The following ENAH variants were observed in gnomAD, a reference collection of about 807,000 sequenced individuals.
The protein encoded by ENAH is protein enabled homolog.
ENAH carries 23 observed loss-of-function variants against 78.7 expected under a neutral mutation model. The ratio of observed to expected loss-of-function variants is 0.29; its 90% CI spans 0.21 to 0.41. ENAH has a LOEUF of 0.41. ENAH is among the 10% of genes least tolerant of loss of function. ENAH has a pLI of 1.00. For missense variants in ENAH, 544 were observed against 691.0 expected (o/e 0.79, Z 2.39); for synonymous variants, 226 against 241.0 (o/e 0.94, Z 0.58).
rs374646635 is a variant in ENAH at position 225,639,705 on chromosome 1, AACACACAC to A, written c.5+12973_5+12980del. On this transcript the variant is annotated intron_variant, in intron 1 of 13. Transcript: ENST00000366843. ...CACAAAATGGACTATGGCGGGATTA[AACACACAC>A]ACACACACACACACACACACACACA... 5.5e-3 allele frequency among the ~76,000 whole-genome samples: 756 copies of A among 138,624 alleles called. 8 individuals are homozygous for A. Among genetic ancestry groups the A allele is most frequent in the South Asian group, 0.029 (125 of 4,280 alleles). 90.9% of individuals were successfully genotyped at this position (138,624 alleles called of 152,430 possible). A position where few individuals can be genotyped will look rare whatever the true frequency, so the allele number is the denominator to read the frequency against.
At chr1:225,644,275 G>C (rs1661568360) in intron 1 of ENAH, among the ~76,000 whole-genome samples, 1 of 151,942 alleles carries the variant, frequency 6.6e-6, no homozygotes, top group South Asian at 2.1e-4. Flanking sequence ...ATACTGACCA[G>C]ACATATGGAC....
intron 11 of ENAH, 96 bp from the exon 12 acceptor site, chr1:225,501,166 A>C (rs1157174724): frequency 8.2e-6 from 7 of 857,396 alleles, no homozygotes; most frequent in African/African-American, 1.7e-5. Context: ...CACCAGATTT[A>C]AATACATTTC....
At chr1:225,591,521 C>T (rs529096109) in intron 1 of ENAH, among the ~76,000 whole-genome samples, 27 of 147,610 alleles carry the variant, frequency 1.8e-4, no homozygotes, top group Admixed American at 1.2e-3. Flanking sequence ...AATCCCAGAA[C>T]TTTGGGAGTC....
intron 4 of ENAH, among the ~76,000 whole-genome samples, chr1:225,521,939 GTGCCCGCCACCA>G (rs1372639398): frequency 6.6e-6 from 1 of 151,960 alleles, no homozygotes; most frequent in Admixed American, 6.6e-5. Flanking sequence ...GGGACTACAG[GTGCCCGCCACCA>G]TGCCCGGCTA....
At chr1:225,613,201 C>T (rs1462398268) in intron 1 of ENAH, among the ~76,000 whole-genome samples, 1 of 152,196 alleles carries the variant, frequency 6.6e-6, no homozygotes, top group East Asian at 1.9e-4. Context: ...CCTCATCTTT[C>T]AGAGCAACTC....
intron 1 of ENAH, among the ~76,000 whole-genome samples, chr1:225,586,058 T>A (rs565361154): frequency 6.6e-6 from 1 of 150,944 alleles, no homozygotes; most frequent in Non-Finnish European, 1.5e-5. Context: ...CTATAAAAAA[T>A]TTTAAAAATT....
chr1:225,522,508 T>C (rs926221204), intron 4 of ENAH, among the ~76,000 whole-genome samples: 1 of 152,250 alleles, frequency 6.6e-6, no homozygotes, highest in East Asian at 1.9e-4. Context: ...TTCATTATGC[T>C]ATTTGATAAA....
intron 9 of ENAH, among the ~76,000 whole-genome samples, chr1:225,512,184 C>T (rs2096382327): frequency 1.3e-5 from 2 of 152,214 alleles, no homozygotes; most frequent in African/African-American, 2.4e-5. Flanking sequence ...TTATTTGTTG[C>T]ACACCAATAT....
At chr1:225,642,641 G>A (rs1661288407) in intron 1 of ENAH, among the ~76,000 whole-genome samples, 1 of 152,152 alleles carries the variant, frequency 6.6e-6, no homozygotes, top group South Asian at 2.1e-4. Context: ...CTGCACTCCA[G>A]CCCGGGTAAC....
rs1220884897 is a variant in ENAH, at chr1:225,517,281, A to T, written c.828T>A (p.Pro276=). 6.4e-7 allele frequency: 1 copy of T among 1,551,896 alleles called. No individual in the cohort carries two copies. Among genetic ancestry groups the T allele is most frequent in the African/African-American group, 1.4e-5 (1 of 73,192 alleles). ...SAAAPASVET[P]LNSVLGDSSA... ...AAGAGTCTCCCAGCACAGAGTTTAGAGGAGTCTCAACAGAGGCAGGGGCAG... is the reference window on the plus strand; with the variant it reads ...AAGAGTCTCCCAGCACAGAGTTTAGTGGAGTCTCAACAGAGGCAGGGGCAG... Residue 276 remains proline (P), a synonymous_variant, in exon 6 of 14, where the codon CCT becomes CCA. Transcript: ENST00000366843.
intron 1 of ENAH, among the ~76,000 whole-genome samples, chr1:225,579,139 AG>A (rs2096802050): frequency 6.6e-6 from 1 of 152,218 alleles, no homozygotes; most frequent in Non-Finnish European, 1.5e-5. Flanking sequence ...GACATACTGT[AG>A]GGAGAGGCAG....
intron 10 of ENAH, 106 bp downstream of exon 10, chr1:225,511,705 T>C (rs770667054): frequency 4.4e-6 from 3 of 674,780 alleles, no homozygotes; most frequent in Non-Finnish European, 7.2e-6. Context: ...GGCATTTTAG[T>C]GTCCAGTCAC....
chr1:225,557,236 G>A (rs959745019), intron 2 of ENAH, among the ~76,000 whole-genome samples: 2 of 152,128 alleles, frequency 1.3e-5, no homozygotes, highest in African/African-American at 4.8e-5. Flanking sequence ...TATCTTTATA[G>A]GGGTCTTGAG....
In ENAH at chr1:225,648,556, GT is replaced by G. The variant is rs570692374; in HGVS notation, c.5+4129del. Reference sequence around the variant, plus strand: ...CTCTTCTTCAAGATTTATTCACTTAGTAAATTCCTACAATACTGACATTCAA... The same window carrying G: ...CTCTTCTTCAAGATTTATTCACTTAGAAATTCCTACAATACTGACATTCAA... On this transcript the variant is annotated intron_variant, in intron 1 of 13. Coordinates refer to ENST00000366843, the MANE Select transcript of ENAH (RefSeq NM_018212.6). 1.8e-4 allele frequency among the ~76,000 whole-genome samples: 27 copies of G among 152,252 alleles called. No individual in the cohort carries two copies. The South Asian group carries it at 3.9e-3, about 22-fold the overall frequency.
intron 2 of ENAH, among the ~76,000 whole-genome samples, chr1:225,561,618 C>CA (rs1384995951): frequency 4.0e-4 from 3 of 7,496 alleles, no homozygotes; most frequent in Non-Finnish European, 7.1e-4. Context: ...GAGATTCCGT[C>CA]TTAAAATAAA....
intron 10 of ENAH, among the ~76,000 whole-genome samples, chr1:225,509,478 A>C (rs571770140): frequency 6.6e-6 from 1 of 152,206 alleles, no homozygotes; most frequent in East Asian, 1.9e-4. Flanking sequence ...GCTGAGAAGC[A>C]AGGGCCTCTT....
chr1:225,652,748 G>T lies in ENAH; in HGVS notation c.-58C>A. ...CGGGAGACGCAGAAGGCGCCGAGCC[G>T]AGGGGGGGGTCTCTCCTCCAGGGGT... On this transcript the variant is annotated 5_prime_UTR_variant, in exon 1 of 14. Transcript: ENST00000366843. The T allele has an allele frequency of 7.7e-7, 1 of 1,299,704 alleles. No homozygotes were observed. The highest frequency in any genetic ancestry group is 9.7e-7 in the Non-Finnish European group (1 of 1,025,832). The allele number at this position is 1,299,704 out of a possible 1,614,324, so 80.5% of individuals were successfully genotyped here.
chr1:225,492,907 A>G lies in ENAH; in HGVS notation c.*4868T>C, dbSNP rs927244831. ...TTTATAAAGAAAACTATTTAGAAAG[A>G]CAAATTTAGTTAATTCTTTAGCAGT... On this transcript the variant is annotated 3_prime_UTR_variant, in exon 14 of 14. Transcript: ENST00000366843. 1.1e-4 allele frequency: 16 copies of G among 151,626 alleles called. No homozygotes were observed. The highest frequency in any genetic ancestry group is 1.0e-3 in the Admixed American group (16 of 15,258). The allele number at this position is 151,626 out of a possible 1,614,324, so 9.4% of individuals were successfully genotyped here. A position where few individuals can be genotyped will look rare whatever the true frequency, so the allele number is the denominator to read the frequency against.
At position 225,504,531 on chromosome 1, in the gene ENAH, A is replaced by G. The variant is rs535903879; in HGVS notation, c.1538+3420T>C. ...ATAATAGGGCTCATCCTAGAAAACA[A>G]TCTACTCAGGGTGTTAGATGTTAAA... On this transcript the variant is annotated intron_variant, in intron 11 of 13. Transcript: ENST00000366843. Among the ~76,000 whole-genome samples the G allele has an allele frequency of 3.3e-5, 5 of 152,306 alleles. No homozygotes were observed. In the East Asian group the frequency reaches 9.6e-4, roughly 29 times the overall value.
Sources: allele counts gnomAD v4.1 joint callset (sites outside exome capture counted in the v4.1 genomes callset), GRCh38; gene constraint gnomAD v4.1.1; transcripts MANE v1.5; gene names NCBI Gene and HGNC (gene_info 2026-07-23, HGNC 2026-07-21).